VMP1: variants seen among roughly 807,000 people sequenced by gnomAD.
The protein encoded by VMP1 is ectopic P-granules autophagy protein 3 homolog.
Under a neutral mutation model 56.0 loss-of-function variants are expected in VMP1, and 11 were observed. The observed-to-expected ratio is 0.20, with a 90% CI of 0.12 to 0.32. The LOEUF (loss-of-function observed/expected upper bound fraction) is 0.32, where lower values mean the gene tolerates loss of function less well. VMP1 is among the 10% of genes least tolerant of loss of function. The probability of loss-of-function intolerance (pLI) is 1.00; values close to 1 mark genes in which losing one functional copy is unlikely to be tolerated. For synonymous variants in VMP1, 149 were observed against 165.0 expected, an observed-to-expected ratio of 0.90 and a Z score of 0.74; for missense variants, 296 against 490.3, an observed-to-expected ratio of 0.60 and a Z score of 3.74.
intron 7 of VMP1, among the ~76,000 whole-genome samples, chr17:59,781,069 G>A (rs992173117): frequency 6.6e-6 from 1 of 152,272 alleles, no homozygotes; most frequent in East Asian, 1.9e-4. Context: ...AGTTGAAGGG[G>A]TGAGGGAGAA....
intron 7 of VMP1, among the ~76,000 whole-genome samples, chr17:59,789,238 G>GAA (rs78690577): frequency 7.2e-5 from 8 of 110,486 alleles, no homozygotes; most frequent in African/African-American, 1.4e-4. Flanking sequence ...TGCAGTGAGA[G>GAA]AAAAAAAAAA....
At chr17:59,757,103 T>G (rs536833396) in intron 5 of VMP1, among the ~76,000 whole-genome samples, 1 of 152,176 alleles carries the variant, frequency 6.6e-6, no homozygotes, top group Non-Finnish European at 1.5e-5. Flanking sequence ...AATTCAAGTA[T>G]GAATATATTC....
intron 1 of VMP1, among the ~76,000 whole-genome samples, chr17:59,728,114 A>G (rs2034678751): frequency 6.6e-6 from 1 of 152,250 alleles, no homozygotes; most frequent in South Asian, 2.1e-4. Context: ...AAAGGAGAAT[A>G]TTACAGTGAT....
chr17:59,740,525 G>C (rs2035187945), intron 5 of VMP1, among the ~76,000 whole-genome samples: 1 of 152,126 alleles, frequency 6.6e-6, no homozygotes, highest in Non-Finnish European at 1.5e-5. Flanking sequence ...GAAGGGTACT[G>C]GATTAATGAT....
intron 6 of VMP1, among the ~76,000 whole-genome samples, chr17:59,770,099 A>G (rs554077867): frequency 2.0e-5 from 3 of 152,340 alleles, no homozygotes; most frequent in South Asian, 2.1e-4. Flanking sequence ...AACAGTAAAT[A>G]TAGTCAACTA....
intron 10 of VMP1, among the ~76,000 whole-genome samples, chr17:59,828,815 T>C (rs561923855): frequency 5.3e-5 from 8 of 152,286 alleles, no homozygotes; most frequent in Non-Finnish European, 1.0e-4. Flanking sequence ...TAGTATCAGC[T>C]TCAAAGATTC....
chr17:59,795,457 CCCTT>C (rs930528076), intron 7 of VMP1, among the ~76,000 whole-genome samples: 2 of 149,018 alleles, frequency 1.3e-5, no homozygotes, highest in Non-Finnish European at 3.0e-5. Flanking sequence ...TTCTTTCTCT[CCCTT>C]CCATTTTACA....
At chr17:59,724,211 CA>C (rs780799408) in intron 1 of VMP1, among the ~76,000 whole-genome samples, 762 of 71,266 alleles carry the variant, frequency 0.011, 2 homozygotes, top group African/African-American at 0.032. Context: ...GACCCTGTCT[CA>C]AAAAAAAAAA....
At chr17:59,798,703 A>G (rs1321348344) in intron 7 of VMP1, among the ~76,000 whole-genome samples, 4 of 152,232 alleles carry the variant, frequency 2.6e-5, no homozygotes, top group Non-Finnish European at 4.4e-5. Flanking sequence ...CCTGACCAAC[A>G]TGGAGAAACC....
intron 5 of VMP1, among the ~76,000 whole-genome samples, chr17:59,751,990 AG>A (rs951109294): frequency 1.2e-4 from 18 of 151,700 alleles, no homozygotes; most frequent in African/African-American, 4.4e-4. Flanking sequence ...GGTTTTTTTT[AG>A]GGGTAGAAAC....
chr17:59,837,521 C>G (rs1291241967), intron 10 of VMP1: 3 of 152,096 alleles, frequency 2.0e-5, no homozygotes, highest in African/African-American at 7.2e-5. Context: ...GAAGGAGCTC[C>G]GAGTACATAA....
chr17:59,718,244 T>C (rs551468661), intron 1 of VMP1, among the ~76,000 whole-genome samples: 2 of 134,904 alleles, frequency 1.5e-5, no homozygotes, highest in South Asian at 5.3e-4. Context: ...TCACCCAGGC[T>C]GGAGTGCAGT....
intron 7 of VMP1, among the ~76,000 whole-genome samples, chr17:59,803,949 AT>A (rs34890976): frequency 6.6e-6 from 1 of 151,204 alleles, no homozygotes. Flanking sequence ...TATAAAAGGG[AT>A]TTTTTTTGTT....
At chr17:59,763,481 A>AT (rs2036130427) in intron 5 of VMP1, among the ~76,000 whole-genome samples, 1 of 152,200 alleles carries the variant, frequency 6.6e-6, no homozygotes, top group Admixed American at 6.5e-5. Context: ...CTTCACATCG[A>AT]TTTTTTTGAT....
chr17:59,740,775 C>T (rs553302258), intron 5 of VMP1, among the ~76,000 whole-genome samples: 226 of 152,322 alleles, frequency 1.5e-3, no homozygotes, highest in Non-Finnish European at 1.4e-3. Context: ...TTACAGGTTA[C>T]AGGATACTTT....
intron 9 of VMP1, 80 bp downstream of exon 9, chr17:59,811,866 T>C (rs531757663): frequency 1.0e-6 from 1 of 1,001,760 alleles, no homozygotes; most frequent in East Asian, 2.5e-5. Context: ...CCTAAGTGAA[T>C]TATTTAGTTA....
Position 59,806,711 on chromosome 17 carries a change from G to A in VMP1, c.715-2085G>A, listed in dbSNP as rs1256334662. Among the ~76,000 whole-genome samples, 32 of 105,306 alleles carry A rather than the reference G, an allele frequency of 3.0e-4. No homozygotes were observed. In the South Asian group the frequency reaches 7.7e-3, roughly 25 times the overall value. The allele number at this position is 105,306 out of a possible 152,430, so 69.1% of individuals were successfully genotyped here. A position where few individuals can be genotyped will look rare whatever the true frequency, so the allele number is the denominator to read the frequency against. Reference sequence around the variant, plus strand: ...ACCTAGGCAACAAGAGTGAAAGTTTGTCTCAAAAAAAAAAAAAAAAATTAA... The same window carrying A: ...ACCTAGGCAACAAGAGTGAAAGTTTATCTCAAAAAAAAAAAAAAAAATTAA... On this transcript the variant is annotated intron_variant, in intron 7 of 11. Transcript: ENST00000262291.
chr17:59,725,211 T>C (rs2034556664), intron 1 of VMP1, among the ~76,000 whole-genome samples: 1 of 152,092 alleles, frequency 6.6e-6, no homozygotes, highest in Admixed American at 6.6e-5. Flanking sequence ...TTGGTATATA[T>C]TTGTTGAATT....
intron 3 of VMP1, 144 bp downstream of exon 3, chr17:59,735,617 T>G: frequency 1.1e-6 from 1 of 891,098 alleles, no homozygotes; most frequent in Non-Finnish European, 1.6e-6. Context: ...ATATTTATTC[T>G]CCTTTCTTTA....
Sources: allele counts gnomAD v4.1 joint callset (sites outside exome capture counted in the v4.1 genomes callset), GRCh38; gene constraint gnomAD v4.1.1; transcripts MANE v1.5; gene names NCBI Gene and HGNC (gene_info 2026-07-23, HGNC 2026-07-21).